CLASP1: variants seen among roughly 807,000 people sequenced by gnomAD.
CLASP1 encodes cytoplasmic linker associated protein 1.
A neutral mutation model predicts 192.3 loss-of-function variants in CLASP1; 38 were observed. The observed-to-expected ratio is 0.20, with a 90% CI of 0.15 to 0.26. CLASP1 has a LOEUF of 0.26. CLASP1 is among the 10% of genes least tolerant of loss of function. The probability of loss-of-function intolerance (pLI) is 1.00; values close to 1 mark genes in which losing one functional copy is unlikely to be tolerated. For missense variants in CLASP1, 1,433 were observed against 1,932.5 expected (o/e 0.74, Z 4.85); for synonymous variants, 691 against 712.8 (o/e 0.97, Z 0.49).
chr2:121,384,003 T>C (rs1417899991), intron 32 of CLASP1, among the ~76,000 whole-genome samples: 48 of 138,212 alleles, frequency 3.5e-4, no homozygotes, highest in African/African-American at 1.1e-3. Context: ...TATATATATA[T>C]ATATACACAC....
intron 8 of CLASP1, among the ~76,000 whole-genome samples, chr2:121,487,496 CA>C (rs1361255463): frequency 6.6e-6 from 1 of 152,222 alleles, no homozygotes; most frequent in Non-Finnish European, 1.5e-5. Context: ...GGATCCCATT[CA>C]GGACACCACA....
At chr2:121,599,587 C>CAAAAA (rs763909303) in intron 2 of CLASP1, among the ~76,000 whole-genome samples, 2 of 41,204 alleles carry the variant, frequency 4.9e-5, no homozygotes, top group African/African-American at 9.3e-5. Context: ...GACTCCATCT[C>CAAAAA]AAAAAAAAAA....
chr2:121,522,620 T>C (rs2094483330), intron 6 of CLASP1, among the ~76,000 whole-genome samples: 1 of 152,238 alleles, frequency 6.6e-6, no homozygotes, highest in African/African-American at 2.4e-5. Context: ...ATGTAATCCA[T>C]TTAAATGTAC....
At chr2:121,532,689 T>C (rs1455837767) in intron 2 of CLASP1, 1 of 152,014 alleles carries the variant, frequency 6.6e-6, no homozygotes, top group Non-Finnish European at 1.5e-5. Flanking sequence ...CAACTAAAGG[T>C]AATGAGGTAT....
intron 2 of CLASP1, among the ~76,000 whole-genome samples, chr2:121,557,909 C>T (rs1309223123): frequency 1.3e-5 from 2 of 151,530 alleles, no homozygotes; most frequent in African/African-American, 4.8e-5. Context: ...GGTGAAACCC[C>T]GTCTCTACTA....
chr2:121,479,057 CACACA>C lies in CLASP1; in HGVS notation c.713-9102_713-9098del, dbSNP rs1559371507. On this transcript the variant is annotated intron_variant, in intron 8 of 39. Transcript: ENST00000263710. ...CCCACACACACACACACCCCCCCCC[CACACA>C]CACACACACACACCATCAACAACAT... Among the ~76,000 whole-genome samples the C allele has an allele frequency of 1.4e-3, 114 of 82,504 alleles. 12 individuals are homozygous for C. Among genetic ancestry groups the C allele is most frequent in the African/African-American group, 5.5e-3 (105 of 19,100 alleles). The allele number at this position is 82,504 out of a possible 152,430, so 54.1% of individuals were successfully genotyped here. A position where few individuals can be genotyped will look rare whatever the true frequency, so the allele number is the denominator to read the frequency against.
chr2:121,385,019 C>A (rs1430453637), intron 32 of CLASP1, among the ~76,000 whole-genome samples: 1 of 152,102 alleles, frequency 6.6e-6, no homozygotes, highest in East Asian at 1.9e-4. Context: ...ATTTTAAGAG[C>A]AATGCTCAGA....
chr2:121,340,569 C>A lies in CLASP1; in HGVS notation c.*292G>T, dbSNP rs184997684. ...GCTCTGATTTTTAAAAACTGCACCC[C>A]ACACACAGGGTTTCGCCATCTCAGC... On this transcript the variant is annotated 3_prime_UTR_variant, in exon 40 of 40. Transcript: ENST00000263710. The A allele has an allele frequency of 3.2e-5, 10 of 309,018 alleles. No homozygotes were observed. In the East Asian group the frequency reaches 5.7e-4, roughly 18 times the overall value. 19.1% of individuals were successfully genotyped at this position (309,018 alleles called of 1,614,324 possible). A position where few individuals can be genotyped will look rare whatever the true frequency, so the allele number is the denominator to read the frequency against.
chr2:121,487,973 C>T lies in CLASP1; in HGVS notation c.712+15194G>A, dbSNP rs1339154283. ...TATTGGAAGCACTTTCAGTTGACTC[C>T]TGTGTCTCTCAGCAATACCCCCACT... On this transcript the variant is annotated intron_variant, in intron 8 of 39. Transcript: ENST00000263710. Among the ~76,000 whole-genome samples, 3 of 152,148 alleles carry T rather than the reference C, an allele frequency of 2.0e-5. No homozygotes were observed. The South Asian group carries it at 6.2e-4, about 32-fold the overall frequency.
chr2:121,581,644 G>A (rs2061183620), intron 2 of CLASP1, among the ~76,000 whole-genome samples: 1 of 152,220 alleles, frequency 6.6e-6, no homozygotes, highest in South Asian at 2.1e-4. Context: ...CAACACTTTG[G>A]AAGGTCAAGA....
chr2:121,431,889 G>A (rs1232422955), intron 19 of CLASP1, among the ~76,000 whole-genome samples: 1 of 151,850 alleles, frequency 6.6e-6, no homozygotes, highest in Non-Finnish European at 1.5e-5. Flanking sequence ...TATGTGAAAA[G>A]TCACTTATGT....
intron 7 of CLASP1, among the ~76,000 whole-genome samples, chr2:121,506,861 A>C (rs913085822): frequency 2.6e-5 from 4 of 152,222 alleles, no homozygotes; most frequent in African/African-American, 9.6e-5. Flanking sequence ...GTGGCAACAT[A>C]TAACAAAGAA....
At chr2:121,594,046 C>T (rs2062790542) in intron 2 of CLASP1, among the ~76,000 whole-genome samples, 1 of 151,774 alleles carries the variant, frequency 6.6e-6, no homozygotes, top group Non-Finnish European at 1.5e-5. Context: ...CGCCTGTAAT[C>T]CCAACACTTT....
At chr2:121,636,571 A>G (rs2070921016) in intron 1 of CLASP1, among the ~76,000 whole-genome samples, 1 of 151,990 alleles carries the variant, frequency 6.6e-6, no homozygotes, top group Admixed American at 6.6e-5. Context: ...AGGCTGAGGC[A>G]TGAGAATCAC....
intron 2 of CLASP1, among the ~76,000 whole-genome samples, chr2:121,604,938 AG>A (rs1288058556): frequency 6.6e-6 from 1 of 152,166 alleles, no homozygotes; most frequent in Admixed American, 6.5e-5. Context: ...CTTGACCCAA[AG>A]GGGCCACCCT....
chr2:121,621,612 A>G (rs574548289), intron 1 of CLASP1, among the ~76,000 whole-genome samples: 34 of 152,226 alleles, frequency 2.2e-4, no homozygotes, highest in Non-Finnish European at 4.0e-4. Context: ...TTGAAAATCA[A>G]TTGACCATAA....
rs1054786368 is a variant in CLASP1 at position 121,499,826 on chromosome 2, GA to G, written c.712+3340del. ...TTCCTGCTCTGGGAAAAAAAAAAAA[GA>G]TAAGATAAACAGAAGTAAATAGAAA... On this transcript the variant is annotated intron_variant, in intron 8 of 39. Coordinates refer to ENST00000263710, the Ensembl canonical transcript of CLASP1. Among the ~76,000 whole-genome samples the G allele has an allele frequency of 7.3e-4, 109 of 149,326 alleles. 2 individuals carry two copies. Among genetic ancestry groups the G allele is most frequent in the African/African-American group, 2.6e-3 (105 of 40,742 alleles).
chr2:121,347,979 C>G (rs1401463198), intron 38 of CLASP1, among the ~76,000 whole-genome samples: 2 of 128,558 alleles, frequency 1.6e-5, no homozygotes, highest in East Asian at 5.4e-4. Flanking sequence ...CCCTTCTCTA[C>G]TGTCATGTAG....
chr2:121,574,084 C>G (rs2060230733), intron 2 of CLASP1, among the ~76,000 whole-genome samples: 1 of 152,176 alleles, frequency 6.6e-6, no homozygotes, highest in South Asian at 2.1e-4. Context: ...TCTTAAAAAT[C>G]ACTGATGGCC....
Sources: gnomAD v4.1 joint callset for allele counts (sites outside exome capture counted in the v4.1 genomes callset) on GRCh38, gnomAD v4.1.1 for gene constraint, MANE v1.5 for transcripts, NCBI Gene and HGNC (gene_info 2026-07-23, HGNC 2026-07-21) for gene names.